ZBTB40: variants seen among roughly 807,000 people sequenced by gnomAD.
The protein encoded by ZBTB40 is zinc finger and BTB domain-containing protein 40.
ZBTB40 carries 60 observed loss-of-function variants against 117.5 expected under a neutral mutation model. The ratio of observed to expected loss-of-function variants is 0.51; its 90% CI spans 0.41 to 0.63. The LOEUF (loss-of-function observed/expected upper bound fraction) is 0.63, where lower values mean the gene tolerates loss of function less well. ZBTB40 is among the 30% of genes least tolerant of loss of function. The pLI is 0.00. For synonymous variants in ZBTB40, 525 were observed against 577.1 expected (o/e 0.91, Z 1.29); for missense variants, 1,287 against 1,498.5 (o/e 0.86, Z 2.33).
upstream of ZBTB40, among the ~76,000 whole-genome samples, chr1:22,450,631 G>A (rs968376458): frequency 9.2e-5 from 14 of 152,160 alleles, no homozygotes; most frequent in East Asian, 2.7e-3. Flanking sequence ...CAAACAAAGT[G>A]CTATTTTGAA....
chr1:22,489,539 A>G (rs950317431), intron 1 of ZBTB40, among the ~76,000 whole-genome samples: 1 of 152,186 alleles, frequency 6.6e-6, no homozygotes, highest in Non-Finnish European at 1.5e-5. Flanking sequence ...CTTCGAAGTC[A>G]GTGAGATGGC....
intron 1 of ZBTB40, among the ~76,000 whole-genome samples, chr1:22,468,465 CTTTTTTTTTTTT>C (rs555995462): frequency 9.7e-5 from 5 of 51,724 alleles, no homozygotes; most frequent in Non-Finnish European, 1.7e-4. Context: ...TTAATGTTTC[CTTTTTTTTTTTT>C]TTTTTTTTTT....
intron 1 of ZBTB40, among the ~76,000 whole-genome samples, chr1:22,444,898 C>T (rs1246147469): frequency 1.3e-5 from 2 of 152,158 alleles, no homozygotes; most frequent in African/African-American, 4.8e-5. Flanking sequence ...AGTAAACTTC[C>T]ACTCCAGCTC....
chr1:22,481,714 TA>T (rs1388303621), intron 1 of ZBTB40, among the ~76,000 whole-genome samples: 1 of 127,594 alleles, frequency 7.8e-6, no homozygotes, highest in Admixed American at 9.8e-5. Flanking sequence ...TAAGAATGTT[TA>T]AAAAGATCTA....
chr1:22,480,641 C>T (rs566157839), intron 1 of ZBTB40, among the ~76,000 whole-genome samples: 26 of 152,146 alleles, frequency 1.7e-4, no homozygotes, highest in African/African-American at 5.1e-4. Flanking sequence ...TGAGCCACCG[C>T]GCCCTGCCCT....
intron 3 of ZBTB40, among the ~76,000 whole-genome samples, chr1:22,501,255 C>T (rs949063894): frequency 6.6e-6 from 1 of 152,178 alleles, no homozygotes; most frequent in African/African-American, 2.4e-5. Context: ...CAGAGGTAAC[C>T]CCTGAGCAAG....
rs2001847 is a variant in ZBTB40 at position 22,454,110 on chromosome 1, C to T, written c.-70+2106C>T. Among the ~76,000 whole-genome samples, 697 of 152,222 alleles carry T rather than the reference C, an allele frequency of 4.6e-3. 7 individuals are homozygous for T. The highest frequency in any genetic ancestry group is 0.016 in the African/African-American group (656 of 41,532). ...GACTACAGGCATGTGCCACGACACCCGGCTAATTTTTTGTGTGTTTTTAGT... is the reference window on the plus strand; with the variant it reads ...GACTACAGGCATGTGCCACGACACCTGGCTAATTTTTTGTGTGTTTTTAGT... On this transcript the variant is annotated intron_variant, in intron 1 of 17. Coordinates refer to ENST00000375647, the MANE Select transcript of ZBTB40 (RefSeq NM_014870.4).
chr1:22,456,621 A>G (rs1312654255), intron 1 of ZBTB40, among the ~76,000 whole-genome samples: 1 of 152,240 alleles, frequency 6.6e-6, no homozygotes, highest in African/African-American at 2.4e-5. Flanking sequence ...AGGCGCGATG[A>G]GAATCTCCCC....
At chr1:22,440,276 T>A (rs1376220358) in intron 1 of ZBTB40, among the ~76,000 whole-genome samples, 2 of 152,198 alleles carry the variant, frequency 1.3e-5, no homozygotes, top group African/African-American at 4.8e-5. Context: ...ATAGAGGTAA[T>A]TTTACTTCTT....
intron 1 of ZBTB40, among the ~76,000 whole-genome samples, chr1:22,466,393 A>G (rs1465534804): frequency 6.6e-6 from 1 of 152,144 alleles, no homozygotes; most frequent in African/African-American, 2.4e-5. Context: ...TGTCCCAGAT[A>G]TATACTAGGA....
At chr1:22,503,085 C>T (rs1396403449) in intron 5 of ZBTB40, among the ~76,000 whole-genome samples, 4 of 147,090 alleles carry the variant, frequency 2.7e-5, no homozygotes, top group African/African-American at 5.1e-5. Context: ...ATATGGATTT[C>T]GTTTCTTTAT....
upstream of ZBTB40, chr1:22,451,750 C>CG (rs1640874208): frequency 6.6e-6 from 1 of 152,152 alleles, no homozygotes; most frequent in African/African-American, 2.4e-5. Flanking sequence ...CAGCCGGCCC[C>CG]CGCCGTCCTA....
At chr1:22,524,532 A>G in intron 17 of ZBTB40, 88 bp downstream of exon 17, 1 of 1,396,134 alleles carries the variant, frequency 7.2e-7, no homozygotes, top group Middle Eastern at 2.1e-4. Flanking sequence ...GTACCCAGAG[A>G]TACTCTTTGG....
Position 22,520,095 on chromosome 1 carries a change from G to T in ZBTB40, c.2868G>T (p.Arg956Ser). The T allele has an allele frequency of 1.9e-6, 3 of 1,614,180 alleles. No individual in the cohort carries two copies. Among genetic ancestry groups the T allele is most frequent in the Admixed American group, 1.7e-5 (1 of 60,024 alleles). Residue 956 changes from arginine (R) to serine (S), a missense_variant, in exon 14 of 18, where the codon AGG (arginine) becomes AGT (serine). Around this residue, in one of 2 missense-constraint regions of ZBTB40, gnomAD observed 417 missense variants for 564.1 expected, o/e 0.74. Transcript: ENST00000375647. ...ATCCTTATGACTGCAAGAAGTGCAGGATGAGTTTCCCCACTCTTCAGGATC... is the reference window on the plus strand; with the variant it reads ...ATCCTTATGACTGCAAGAAGTGCAGTATGAGTTTCCCCACTCTTCAGGATC... The part of the protein sequence containing the change: ...IEDPYDCKKC[R>S]MSFPTLQDHR...
intron 1 of ZBTB40, among the ~76,000 whole-genome samples, chr1:22,468,773 A>G (rs1641329321): frequency 1.4e-5 from 2 of 147,622 alleles, no homozygotes. Flanking sequence ...TGTTGGGATT[A>G]TAGGCATGGG....
intron 1 of ZBTB40, among the ~76,000 whole-genome samples, chr1:22,440,873 G>A (rs966175855): frequency 6.6e-5 from 10 of 151,942 alleles, no homozygotes; most frequent in Non-Finnish European, 1.3e-4. Context: ...GCTGAATTTG[G>A]TTTGCTAGTA....
chr1:22,437,369 A>G (rs1257843648), intron 1 of ZBTB40, among the ~76,000 whole-genome samples: 5 of 151,062 alleles, frequency 3.3e-5, no homozygotes, highest in African/African-American at 1.2e-4. Context: ...GAGTGCACAT[A>G]CTTTTTTTTT....
chr1:22,505,986 A>G, intron 5 of ZBTB40, 63 bp from the exon 6 acceptor site: 1 of 1,565,012 alleles, frequency 6.4e-7, no homozygotes, highest in South Asian at 1.1e-5. Flanking sequence ...GTTTTCCAGT[A>G]GTGTGTCAGA....
At chr1:22,506,292 T>G (rs1639074836) in intron 6 of ZBTB40, 51 bp downstream of exon 6, 2 of 1,597,896 alleles carry the variant, frequency 1.3e-6, no homozygotes, top group East Asian at 4.5e-5. Flanking sequence ...TCCAGAAAAT[T>G]GTAGCTTGAA....
Sources: allele counts gnomAD v4.1 joint callset (sites outside exome capture counted in the v4.1 genomes callset), GRCh38; gene constraint gnomAD v4.1.1; regional missense constraint gnomAD v4.1.1; transcripts MANE v1.5; gene names NCBI Gene and HGNC (gene_info 2026-07-23, HGNC 2026-07-21).